Variants in MSH3 observed in about 807,000 individuals in gnomAD.
MSH3 encodes the protein DNA mismatch repair protein Msh3.
Under a neutral mutation model 123.3 loss-of-function variants are expected in MSH3, and 106 were observed. The ratio of observed to expected loss-of-function variants is 0.86; its 90% confidence interval spans 0.73 to 1.01. MSH3 has a LOEUF of 1.01. MSH3 is among the 50% of genes least tolerant of loss of function. The pLI, the probability that MSH3 is intolerant of heterozygous loss-of-function variation, is 0.00. For missense variants in MSH3, 1,459 were observed against 1,347.6 expected (o/e 1.08, Z -1.29); for synonymous variants, 515 against 481.4 (o/e 1.07, Z -0.91).
intron 19 of MSH3, among the ~76,000 whole-genome samples, chr5:80,800,219 G>A (rs186757475): frequency 1.3e-5 from 2 of 152,148 alleles, no homozygotes; most frequent in Admixed American, 6.5e-5. Context: ...TCCCTTCAGC[G>A]CAATACTTCC....
At chr5:80,734,471 A>G (rs1376397660) in intron 10 of MSH3, among the ~76,000 whole-genome samples, 5 of 152,250 alleles carry the variant, frequency 3.3e-5, no homozygotes, top group Non-Finnish European at 7.3e-5. Context: ...AATAAAGTTG[A>G]TAGACACATA....
chr5:80,818,402 C>CA (rs71603566), intron 20 of MSH3, among the ~76,000 whole-genome samples: 10,232 of 63,786 alleles, frequency 0.16, 1,676 homozygotes, highest in African/African-American at 0.33. Context: ...ATAGCAATGA[C>CA]AAAAAAAAAA....
At chr5:80,814,380 T>G (rs1315355861) in intron 20 of MSH3, among the ~76,000 whole-genome samples, 1 of 152,184 alleles carries the variant, frequency 6.6e-6, no homozygotes, top group Admixed American at 6.5e-5. Context: ...CAAGCTATTC[T>G]CCTGCCTCAG....
At chr5:80,863,991 A>G (rs1258121373) in intron 21 of MSH3, among the ~76,000 whole-genome samples, 1 of 152,098 alleles carries the variant, frequency 6.6e-6, no homozygotes, top group African/African-American at 2.4e-5. Context: ...TGAAGGGGAT[A>G]CTCTATAGAA....
Position 80,792,764 on chromosome 5 carries a change from A to G in MSH3, c.2575A>G (p.Ile859Val). 6.2e-7 allele frequency: 1 copy of G among 1,613,272 alleles called. No homozygotes were observed. Among genetic ancestry groups the G allele is most frequent in the Non-Finnish European group, 8.5e-7 (1 of 1,179,382 alleles). The change falls in exon 19 of 24, where the codon ATA becomes GTA. Residue 859 changes from isoleucine to valine, a missense_variant. Ile to Val is a conservative substitution (Grantham distance 29). Transcript: ENST00000265081. ...PTVQEERKIV[I>V]KNGRHPVIDV... ...TGTACAAGAAGAAAGAAAAATTGTAATAAAAAATGGAAGGCACCCTGTGAT... is the reference window on the plus strand; with the variant it reads ...TGTACAAGAAGAAAGAAAAATTGTAGTAAAAAATGGAAGGCACCCTGTGAT...
intron 17 of MSH3, among the ~76,000 whole-genome samples, chr5:80,780,460 G>A (rs1744390613): frequency 6.6e-6 from 1 of 152,340 alleles, no homozygotes; most frequent in East Asian, 1.9e-4. Context: ...GGTAAGGGTT[G>A]GAGCCCAGAT....
chr5:80,848,843 T>C (rs1745773940), intron 20 of MSH3, among the ~76,000 whole-genome samples: 1 of 152,170 alleles, frequency 6.6e-6, no homozygotes. Context: ...ATCTCGTATC[T>C]TCACATTCAG....
chr5:80,775,140 G>A (rs928980912), intron 15 of MSH3, among the ~76,000 whole-genome samples: 1 of 152,014 alleles, frequency 6.6e-6, no homozygotes, highest in African/African-American at 2.4e-5. Flanking sequence ...GTGAAAACTT[G>A]AAGAAAACTC....
At chr5:80,734,208 C>T (rs1379551559) in intron 10 of MSH3, among the ~76,000 whole-genome samples, 5 of 152,152 alleles carry the variant, frequency 3.3e-5, no homozygotes, top group South Asian at 4.1e-4. Context: ...CAAAAAGTCT[C>T]GTTTTGTCTG....
chr5:80,783,700 G>C (rs1204445650), intron 17 of MSH3, among the ~76,000 whole-genome samples: 1 of 152,118 alleles, frequency 6.6e-6, no homozygotes, highest in Non-Finnish European at 1.5e-5. Context: ...GACCTGGGCA[G>C]GACCTGAGAA....
intron 20 of MSH3, among the ~76,000 whole-genome samples, chr5:80,824,474 T>G (rs368922424): frequency 6.6e-6 from 1 of 152,292 alleles, no homozygotes; most frequent in East Asian, 1.9e-4. Context: ...AATCTTAAGT[T>G]GGACTGGGGC....
At chr5:80,760,271 A>G (rs1023762625) in intron 12 of MSH3, among the ~76,000 whole-genome samples, 8 of 152,156 alleles carry the variant, frequency 5.3e-5, no homozygotes, top group Admixed American at 4.6e-4. Context: ...CTCACCAGAC[A>G]TGTTTACTTA....
At chr5:80,831,681 A>AT (rs1745419062) in intron 20 of MSH3, among the ~76,000 whole-genome samples, 1 of 145,926 alleles carries the variant, frequency 6.9e-6, no homozygotes, top group African/African-American at 2.5e-5. Context: ...TGTAAAATGT[A>AT]TGTAATATCC....
chr5:80,769,135 T>C (rs1226404125), intron 15 of MSH3, 132 bp downstream of exon 15: 1 of 793,204 alleles, frequency 1.3e-6, no homozygotes. Context: ...CTTGGAAATA[T>C]GTTGTAATAA....
chr5:80,753,133 C>T (rs1433766236), intron 12 of MSH3, among the ~76,000 whole-genome samples: 2 of 152,140 alleles, frequency 1.3e-5, no homozygotes, highest in Non-Finnish European at 2.9e-5. Context: ...ACCTTCACTA[C>T]CATCATAATC....
intron 8 of MSH3, among the ~76,000 whole-genome samples, chr5:80,708,949 A>G (rs982086819): frequency 3.3e-5 from 5 of 151,088 alleles, no homozygotes; most frequent in Non-Finnish European, 2.9e-5. Context: ...TAATTTTTGT[A>G]TTTTCAGTAG....
intron 6 of MSH3, among the ~76,000 whole-genome samples, chr5:80,674,746 A>AT (rs1031311287): frequency 2.0e-5 from 3 of 151,898 alleles, no homozygotes; most frequent in African/African-American, 7.3e-5. Flanking sequence ...CTTTATTTTT[A>AT]TTTTTTTATT....
At chr5:80,797,789 C>T (rs1744722015) in intron 19 of MSH3, among the ~76,000 whole-genome samples, 1 of 152,152 alleles carries the variant, frequency 6.6e-6, no homozygotes, top group Non-Finnish European at 1.5e-5. Flanking sequence ...GAGGCTGGCC[C>T]AGGGACTGTG....
At chr5:80,762,778 T>TTTTTATTTTATTTTATTTTAATTTTTTA (rs573087291) in intron 13 of MSH3, among the ~76,000 whole-genome samples, 1 of 127,974 alleles carries the variant, frequency 7.8e-6, no homozygotes, top group African/African-American at 3.0e-5. Flanking sequence ...TTATTTTAAT[T>TTTTTATTTTATTTTATTTTAATTTTTTA]TTTTATTTTA....
Sources: allele counts gnomAD v4.1 joint callset (sites outside exome capture counted in the v4.1 genomes callset), GRCh38; gene constraint gnomAD v4.1.1; transcripts MANE v1.5; gene names NCBI Gene and HGNC (gene_info 2026-07-23, HGNC 2026-07-21).